The following PDS5A variants were observed in gnomAD, a reference collection of about 807,000 sequenced individuals.
PDS5A encodes the protein PDS5 cohesin associated factor A, also known as sister chromatid cohesion protein PDS5 homolog A.
A neutral mutation model predicts 167.1 loss-of-function variants in PDS5A; 42 were observed. The observed-to-expected ratio is 0.25, with a 90% CI of 0.20 to 0.33. The LOEUF (loss-of-function observed/expected upper bound fraction) is 0.33. Ranked by LOEUF, PDS5A falls within the 10% of genes least tolerant of loss-of-function variation. The pLI, the probability that PDS5A is intolerant of heterozygous loss-of-function variation, is 1.00. For missense variants in PDS5A, 1,033 were observed against 1,605.9 expected, an observed-to-expected ratio of 0.64 and a Z score of 6.10; for synonymous variants, 553 against 554.6, an observed-to-expected ratio of 1.00 and a Z score of 0.04.
At chr4:39,890,472 A>T in intron 16 of PDS5A, 108 bp from the exon 17 acceptor site, 1 of 668,508 alleles carries the variant, frequency 1.5e-6, no homozygotes, top group East Asian at 2.7e-5. Context: ...GTGGTTAAGA[A>T]TTGTCTGCTC....
chr4:39,972,775 CAG>C (rs1210373014), intron 2 of PDS5A, among the ~76,000 whole-genome samples: 1 of 145,878 alleles, frequency 6.9e-6, no homozygotes, highest in East Asian at 2.0e-4. Flanking sequence ...TTACTTAAAA[CAG>C]AACTGATATT....
intron 17 of PDS5A, 62 bp downstream of exon 17, chr4:39,890,182 TTTAAA>T: frequency 1.1e-6 from 1 of 881,420 alleles, no homozygotes; most frequent in South Asian, 1.6e-5. Context: ...GAGCCCAGAA[TTTAAA>T]TTAACAACAT....
In PDS5A at chr4:39,865,129, GT is replaced by G. The variant is rs552139603; in HGVS notation, c.2643-1671del. The stretch of plus-strand genomic sequence containing the variant: ...ATACTGAGGAATGATTGCTTATAAC[GT>G]TTTTTTTTCTTTCTGATTTGTAATG... On this transcript the variant is annotated intron_variant, in intron 23 of 32. Coordinates refer to ENST00000303538, the MANE Select transcript of PDS5A (RefSeq NM_001100399.2). Among the ~76,000 whole-genome samples, 401 of 150,866 alleles carry G rather than the reference GT, an allele frequency of 2.7e-3. 2 individuals carry two copies. Among genetic ancestry groups the G allele is most frequent in the African/African-American group, 8.6e-3 (355 of 41,108 alleles).
intron 21 of PDS5A, among the ~76,000 whole-genome samples, chr4:39,871,262 A>C (rs1472299678): frequency 6.6e-6 from 1 of 152,194 alleles, no homozygotes; most frequent in East Asian, 1.9e-4. Context: ...AACACTTAAA[A>C]ATAGCAAATT....
At chr4:39,920,744 G>A (rs755463264) in intron 6 of PDS5A, among the ~76,000 whole-genome samples, 5 of 152,134 alleles carry the variant, frequency 3.3e-5, no homozygotes, top group East Asian at 1.9e-4. Context: ...CTACACCCAC[G>A]TATCTTAAAC....
At chr4:39,943,330 A>C (rs997538767) in intron 2 of PDS5A, among the ~76,000 whole-genome samples, 1 of 152,120 alleles carries the variant, frequency 6.6e-6, no homozygotes, top group East Asian at 1.9e-4. Context: ...ACCAGCATAG[A>C]CTACTTGATA....
chr4:39,869,753 A>G (rs1002985480), intron 21 of PDS5A, among the ~76,000 whole-genome samples: 3 of 152,178 alleles, frequency 2.0e-5, no homozygotes, highest in Non-Finnish European at 2.9e-5. Context: ...CATTTTTGAC[A>G]AAGGATGCCA....
At chr4:39,938,469 C>G (rs942212477) in intron 2 of PDS5A, among the ~76,000 whole-genome samples, 1 of 151,776 alleles carries the variant, frequency 6.6e-6, no homozygotes, top group Non-Finnish European at 1.5e-5. Flanking sequence ...GCAGGAGAAT[C>G]ACTTGAACCG....
At chr4:39,962,976 T>C (rs1476403440) in intron 2 of PDS5A, among the ~76,000 whole-genome samples, 1 of 143,812 alleles carries the variant, frequency 7.0e-6, no homozygotes, top group African/African-American at 2.5e-5. Context: ...AAACAAAAAA[T>C]AATAAAAATG....
intron 2 of PDS5A, among the ~76,000 whole-genome samples, chr4:39,969,676 GA>G (rs1440340977): frequency 6.6e-6 from 1 of 151,142 alleles, no homozygotes; most frequent in African/African-American, 2.5e-5. Flanking sequence ...CAAAAAAAAG[GA>G]AAGTCCTTAG....
intron 16 of PDS5A, 147 bp from the exon 17 acceptor site, chr4:39,890,511 G>A (rs750499927): frequency 2.0e-5 from 11 of 554,598 alleles, no homozygotes; most frequent in Non-Finnish European, 3.2e-5. Context: ...TTTACACCCC[G>A]AGCAATGACT....
intron 11 of PDS5A, among the ~76,000 whole-genome samples, chr4:39,908,018 T>C (rs1037047568): frequency 6.6e-6 from 1 of 152,188 alleles, no homozygotes; most frequent in Non-Finnish European, 1.5e-5. Flanking sequence ...GTTCAATGAA[T>C]GGCAGACCCA....
chr4:39,926,009 T>A, intron 4 of PDS5A, 76 bp from the exon 5 acceptor site: 1 of 433,100 alleles, frequency 2.3e-6, no homozygotes, highest in Non-Finnish European at 3.9e-6. Context: ...CAGTAAAAAA[T>A]TAATTTTTAG....
At chr4:39,895,222 A>AG (rs138197440) in intron 16 of PDS5A, among the ~76,000 whole-genome samples, 1 of 147,200 alleles carries the variant, frequency 6.8e-6, no homozygotes, top group Non-Finnish European at 1.5e-5. Context: ...AAAAAAAAAA[A>AG]GAGAAATGTG....
rs1379625924 is a variant in PDS5A at position 39,939,488 on chromosome 4, A to AT, written c.139-11325_139-11324insA. Among the ~76,000 whole-genome samples, 5 of 144,480 alleles carry AT rather than the reference A, an allele frequency of 3.5e-5. No individual in the cohort carries two copies. In the East Asian group the frequency reaches 6.1e-4, roughly 18 times the overall value. The allele number at this position is 144,480 out of a possible 152,430, so 94.8% of individuals were successfully genotyped here. On this transcript the variant is annotated intron_variant, in intron 2 of 32. Transcript: ENST00000303538. ...TCTCAAAACCTAAAATGAAAAAAAA[A>AT]ATTTTTTTTAAATAGCTTTACTGCG... is the stretch of plus-strand genomic sequence containing the variant.
chr4:39,874,598 A>G (rs1720314493), intron 19 of PDS5A, among the ~76,000 whole-genome samples, 186 bp from the exon 20 acceptor site: 1 of 152,192 alleles, frequency 6.6e-6, no homozygotes, highest in African/African-American at 2.4e-5. Flanking sequence ...CAAGAAATAC[A>G]ATGCCTCAAG....
intron 12 of PDS5A, among the ~76,000 whole-genome samples, chr4:39,903,494 G>A (rs1271226285): frequency 1.3e-5 from 2 of 152,178 alleles, no homozygotes; most frequent in African/African-American, 2.4e-5. Flanking sequence ...TCATTTGTAC[G>A]ATCCAATATA....
chr4:39,882,778 CTT>C (rs1721072116), intron 17 of PDS5A, among the ~76,000 whole-genome samples: 1 of 152,112 alleles, frequency 6.6e-6, no homozygotes, highest in African/African-American at 2.4e-5. Context: ...AGTCCTTCCT[CTT>C]ATAAAGTATT....
intron 11 of PDS5A, among the ~76,000 whole-genome samples, chr4:39,907,878 G>A (rs553382588): frequency 6.6e-5 from 10 of 152,256 alleles, no homozygotes; most frequent in Non-Finnish European, 7.4e-5. Context: ...GAGCCACCGC[G>A]CCCGGCAATC....
Sources: gnomAD v4.1 joint callset for allele counts (sites outside exome capture counted in the v4.1 genomes callset) on GRCh38, gnomAD v4.1.1 for gene constraint, MANE v1.5 for transcripts, NCBI Gene and HGNC (gene_info 2026-07-23, HGNC 2026-07-21) for gene names.